NHSL2: variants seen among roughly 807,000 people sequenced by gnomAD.
The protein encoded by NHSL2 is NHS-like protein 2.
NHSL2 carries 27 observed loss-of-function variants against 53.4 expected under a neutral mutation model. The ratio of observed to expected loss-of-function variants is 0.51; its 90% CI spans 0.37 to 0.70. The LOEUF (loss-of-function observed/expected upper bound fraction) is 0.70, where lower values mean the gene tolerates loss of function less well. Among genes scored for constraint, NHSL2 ranks in the 30% least tolerant of loss-of-function variants. The pLI, the probability that NHSL2 is intolerant of heterozygous loss-of-function variation, is 0.00. For missense variants in NHSL2, 892 were observed against 980.1 expected, an observed-to-expected ratio of 0.91 and a Z score of 1.20; for synonymous variants, 408 against 404.1, an observed-to-expected ratio of 1.01 and a Z score of -0.12.
At chrX:72,093,728 T>G (rs765992619) in intron 1 of NHSL2, among the ~76,000 whole-genome samples, 1 of 80,850 alleles carries the variant, frequency 1.2e-5, no homozygotes, top group East Asian at 3.2e-4. Flanking sequence ...CTTGCTTTCT[T>G]TCTTTCTTTC....
chrX:71,959,456 T>C (rs1049646078), intron 1 of NHSL2, among the ~76,000 whole-genome samples: 8 of 112,862 alleles, frequency 7.1e-5, no homozygotes, highest in African/African-American at 2.6e-4. Context: ...TTAAAAAAGA[T>C]GTAATTTAAA....
intron 1 of NHSL2, chrX:72,069,592 A>AGAGGAG: frequency 1.5e-6 from 1 of 680,816 alleles, no homozygotes; most frequent in East Asian, 4.4e-5. Context: ...GAGCACAGGC[A>AGAGGAG]GAGGAGGAGG....
In NHSL2 at chrX:71,952,090, A is replaced by C. The variant is rs2041823649; in HGVS notation, c.280+40723A>C. ...CCTCCTTCTATGCAAAAACAAAACCAAAAACACCCTATTTTGTCTGTCTAT... is the reference window on the plus strand; with the variant it reads ...CCTCCTTCTATGCAAAAACAAAACCCAAAACACCCTATTTTGTCTGTCTAT... On this transcript the variant is annotated intron_variant, in intron 1 of 7. Coordinates refer to ENST00000633930, the MANE Select transcript of NHSL2 (RefSeq NM_001013627.3). Among the ~76,000 whole-genome samples the C allele has an allele frequency of 6.2e-5, 7 of 112,323 alleles. No homozygotes were observed. In the Admixed American group the frequency reaches 6.6e-4, roughly 11 times the overall value.
chrX:72,022,166 C>A (rs1410759579), intron 1 of NHSL2, among the ~76,000 whole-genome samples: 1 of 112,255 alleles, frequency 8.9e-6, no homozygotes, highest in East Asian at 2.8e-4. Context: ...GAGCCTTGAG[C>A]TAGGAGCCTG....
At chrX:72,090,772 AGTGTGT>A (rs372070874) in intron 1 of NHSL2, among the ~76,000 whole-genome samples, 6,509 of 93,904 alleles carry the variant, frequency 0.069, 590 homozygotes, top group African/African-American at 0.23. Context: ...AGTGTATGTG[AGTGTGT>A]GTGTGTGTGT....
intron 1 of NHSL2, among the ~76,000 whole-genome samples, chrX:72,038,447 A>T: frequency 8.9e-6 from 1 of 112,417 alleles, no homozygotes; most frequent in Non-Finnish European, 1.9e-5. Flanking sequence ...TTTGCTTCAG[A>T]TCTTTTCTAA....
At chrX:71,970,878 G>T (rs368054674) in intron 1 of NHSL2, among the ~76,000 whole-genome samples, 148 of 111,055 alleles carry the variant, frequency 1.3e-3, no homozygotes, top group African/African-American at 4.6e-3. Context: ...CAACTCCTGG[G>T]CTCAAGCAAT....
chrX:71,935,203 T>C (rs996824732), intron 1 of NHSL2, among the ~76,000 whole-genome samples: 3 of 112,014 alleles, frequency 2.7e-5, no homozygotes, highest in African/African-American at 9.8e-5. Context: ...ACAAATCTTT[T>C]GCTAATGATT....
intron 1 of NHSL2, among the ~76,000 whole-genome samples, chrX:72,028,847 T>C (rs914092631): frequency 8.9e-6 from 1 of 112,625 alleles, no homozygotes; most frequent in African/African-American, 3.2e-5. Context: ...ACATTGTCGG[T>C]AGAGCTGGGC....
chrX:71,980,305 A>G (rs1313911932), intron 1 of NHSL2, among the ~76,000 whole-genome samples: 2 of 111,747 alleles, frequency 1.8e-5, no homozygotes, highest in South Asian at 3.8e-4. Flanking sequence ...GAAGAAAGTC[A>G]TTGGTAGCTT....
intron 1 of NHSL2, among the ~76,000 whole-genome samples, chrX:72,015,194 A>G (rs2042130719): frequency 9.0e-6 from 1 of 111,411 alleles, no homozygotes; most frequent in Non-Finnish European, 1.9e-5. Context: ...GGTCTCTTGC[A>G]GGTGTACATT....
intron 1 of NHSL2, among the ~76,000 whole-genome samples, chrX:72,084,971 T>C (rs1016667211): frequency 8.9e-6 from 1 of 112,088 alleles, no homozygotes; most frequent in Non-Finnish European, 1.9e-5. Context: ...AAGGGACTAT[T>C]CCAGAACAGT....
intron 1 of NHSL2, among the ~76,000 whole-genome samples, chrX:72,050,482 A>G (rs1256465357): frequency 8.9e-6 from 1 of 111,941 alleles, no homozygotes; most frequent in African/African-American, 3.3e-5. Context: ...AAAAACACTA[A>G]GGAAAAATGT....
At chrX:72,142,495 A>C in intron 7 of NHSL2, 131 bp downstream of exon 7, 1 of 515,243 alleles carries the variant, frequency 1.9e-6, no homozygotes, top group African/African-American at 2.3e-5. Context: ...AAAAACTGCT[A>C]CCTTTAAGCA....
intron 1 of NHSL2, chrX:72,130,347 T>TTCC (rs753322291): frequency 1.7e-6 from 2 of 1,160,402 alleles, no homozygotes; most frequent in Non-Finnish European, 2.3e-6. Context: ...TCATTTCCTC[T>TTCC]TCCTCCTCCT....
intron 1 of NHSL2, among the ~76,000 whole-genome samples, chrX:71,947,342 C>T (rs1311823392): frequency 3.6e-5 from 4 of 112,032 alleles, no homozygotes; most frequent in African/African-American, 1.3e-4. Flanking sequence ...CTAACCTCGT[C>T]CTGCAGATGT....
intron 1 of NHSL2, among the ~76,000 whole-genome samples, chrX:71,918,167 AAG>A (rs1018366544): frequency 6.3e-5 from 7 of 111,486 alleles, no homozygotes; most frequent in Non-Finnish European, 1.3e-4. Flanking sequence ...GAGAGAAAGC[AAG>A]AGTCTACCTG....
rs186192884 is a variant in NHSL2, at chrX:72,036,831, G to T, written c.281-95248G>T. Among the ~76,000 whole-genome samples the T allele has an allele frequency of 3.6e-5, 4 of 111,570 alleles. No homozygotes were observed. The East Asian group carries it at 1.1e-3, about 31-fold the overall frequency. ...TTATTTTTCAGTTCTATAATTTCCA[G>T]TGTGTTCTTTTTGATATCTTCTATT... is the stretch of plus-strand genomic sequence containing the variant. On this transcript the variant is annotated intron_variant, in intron 1 of 7. Coordinates refer to ENST00000633930, the MANE Select transcript of NHSL2 (RefSeq NM_001013627.3).
At chrX:72,132,005 G>C in intron 1 of NHSL2, 74 bp from the exon 2 acceptor site, 1 of 1,067,613 alleles carries the variant, frequency 9.4e-7, no homozygotes, top group Non-Finnish European at 1.3e-6. Flanking sequence ...GGGGAACCGC[G>C]GGCGCCCACT....
Sources: gnomAD v4.1 joint callset for allele counts (sites outside exome capture counted in the v4.1 genomes callset) on GRCh38, gnomAD v4.1.1 for gene constraint, MANE v1.5 for transcripts, NCBI Gene and HGNC (gene_info 2026-07-23, HGNC 2026-07-21) for gene names.